The following CNTN5 variants were observed in gnomAD, a reference collection of about 807,000 sequenced individuals.
CNTN5 encodes contactin 5.
A neutral mutation model predicts 129.1 loss-of-function variants in CNTN5; 77 were observed. The ratio of observed to expected loss-of-function variants is 0.60; its 90% CI spans 0.50 to 0.72. The LOEUF (loss-of-function observed/expected upper bound fraction) is 0.72. Among genes scored for constraint, CNTN5 ranks in the 30% least tolerant of loss-of-function variants. CNTN5 has a pLI of 0.00. For missense variants in CNTN5, 1,478 were observed against 1,328.8 expected (o/e 1.11, Z -1.75); for synonymous variants, 509 against 465.6 (o/e 1.09, Z -1.20).
chr11:100,031,783 G>C (rs57675206), intron 9 of CNTN5, among the ~76,000 whole-genome samples: 1 of 152,146 alleles, frequency 6.6e-6, no homozygotes, highest in Non-Finnish European at 1.5e-5. Context: ...TCTACATACA[G>C]GTGTTATGTG....
chr11:100,311,804 G>A (rs1038177023), intron 21 of CNTN5, among the ~76,000 whole-genome samples: 3 of 152,000 alleles, frequency 2.0e-5, no homozygotes, highest in African/African-American at 7.2e-5. Context: ...AGATTTTATG[G>A]AATGCTGATA....
At position 99,123,131 on chromosome 11, in the gene CNTN5, A is replaced by G. The variant is rs7938246; in HGVS notation, c.-210+101861A>G. Among the ~76,000 whole-genome samples, 312 of 152,292 alleles carry G rather than the reference A, an allele frequency of 2.0e-3. 1 individual carries two copies. Among genetic ancestry groups the G allele is most frequent in the African/African-American group, 7.0e-3 (291 of 41,568 alleles). On this transcript the variant is annotated intron_variant, in intron 1 of 24. Transcript: ENST00000524871. ...TTGAGAAATTGCCACACTGCTTTCTACAATGGCTGAAATAACTTACTTTCC... is the reference window on the plus strand; with the variant it reads ...TTGAGAAATTGCCACACTGCTTTCTGCAATGGCTGAAATAACTTACTTTCC...
intron 13 of CNTN5, among the ~76,000 whole-genome samples, chr11:100,180,904 G>T (rs1370264238): frequency 6.6e-6 from 1 of 151,948 alleles, no homozygotes; most frequent in Non-Finnish European, 1.5e-5. Flanking sequence ...ATCACCCACT[G>T]CTAACTGGTG....
chr11:99,179,397 G>A (rs531779278), intron 1 of CNTN5, among the ~76,000 whole-genome samples: 5 of 152,124 alleles, frequency 3.3e-5, no homozygotes, highest in African/African-American at 7.2e-5. Flanking sequence ...AGCCAAGATC[G>A]TGCCACTGCA....
At chr11:99,164,136 G>A (rs534523631) in intron 1 of CNTN5, among the ~76,000 whole-genome samples, 90 of 152,108 alleles carry the variant, frequency 5.9e-4, no homozygotes, top group Middle Eastern at 6.8e-3. Context: ...GACCAGCCTG[G>A]CCAACATGGT....
At position 99,616,236 on chromosome 11, in the gene CNTN5, C is replaced by T. The variant is rs1052034311; in HGVS notation, c.55+59967C>T. On this transcript the variant is annotated intron_variant, in intron 3 of 24. Transcript: ENST00000524871. ...CTACTTCCCCTAACATTTGCCATTCCGATGTGGCAGTCACTAGAAATAAAA... is the reference window on the plus strand; with the variant it reads ...CTACTTCCCCTAACATTTGCCATTCTGATGTGGCAGTCACTAGAAATAAAA... Among the ~76,000 whole-genome samples, 5 of 152,026 alleles carry T rather than the reference C, an allele frequency of 3.3e-5. No homozygotes were observed. In the East Asian group the frequency reaches 5.8e-4, roughly 18 times the overall value.
At position 100,074,259 on chromosome 11, in the gene CNTN5, G is replaced by C; in HGVS notation, c.1545G>C (p.Trp515Cys). 6.2e-7 allele frequency: 1 copy of C among 1,609,386 alleles called. No individual in the cohort carries two copies. Among genetic ancestry groups the C allele is most frequent in the Non-Finnish European group, 8.5e-7 (1 of 1,177,466 alleles). The change falls in exon 13 of 25, where the codon TGG becomes TGC. Residue 515 changes from tryptophan to cysteine, a missense_variant. Trp to Cys is a radical substitution (Grantham distance 215). Transcript: ENST00000524871. ...GCTCTCCAAAACCAACCATCTCTTG[G>C]AAGAAAGGAGACAGAGCAGTTAGAG... The part of the protein sequence containing the change: ...PQGSPKPTIS[W>C]KKGDRAVREN...
intron 2 of CNTN5, among the ~76,000 whole-genome samples, chr11:99,513,781 C>T (rs1946936087): frequency 6.6e-6 from 1 of 151,992 alleles, no homozygotes; most frequent in Admixed American, 6.6e-5. Context: ...TGACAAAGCA[C>T]CTGGTCATGC....
chr11:99,900,099 TC>T (rs1949315081), intron 6 of CNTN5, among the ~76,000 whole-genome samples: 1 of 151,958 alleles, frequency 6.6e-6, no homozygotes, highest in Non-Finnish European at 1.5e-5. Flanking sequence ...GAGTCTTCTC[TC>T]TTTTTTTTTC....
intron 1 of CNTN5, among the ~76,000 whole-genome samples, chr11:99,247,812 T>C (rs1228711928): frequency 1.3e-5 from 2 of 152,186 alleles, no homozygotes; most frequent in African/African-American, 2.4e-5. Context: ...TATGGCTGCA[T>C]GGTATTCCAT....
intron 2 of CNTN5, among the ~76,000 whole-genome samples, chr11:99,553,871 AG>A (rs1948576079): frequency 6.6e-6 from 1 of 151,916 alleles, no homozygotes; most frequent in Non-Finnish European, 1.5e-5. Flanking sequence ...TATCTTAAAA[AG>A]AATGACTTTT....
chr11:99,818,458 T>C (rs1219688196), intron 3 of CNTN5, among the ~76,000 whole-genome samples: 17 of 152,018 alleles, frequency 1.1e-4, no homozygotes, highest in Non-Finnish European at 2.9e-5. Context: ...GGTCTCACTT[T>C]ATTGCTTTTG....
At chr11:99,657,073 A>G (rs1204358996) in intron 3 of CNTN5, among the ~76,000 whole-genome samples, 6 of 149,134 alleles carry the variant, frequency 4.0e-5, no homozygotes, top group Non-Finnish European at 9.1e-5. Flanking sequence ...ATAAGAAAAA[A>G]AAAAAAGAGA....
intron 3 of CNTN5, among the ~76,000 whole-genome samples, chr11:99,715,479 T>A (rs1257645411): frequency 2.6e-5 from 4 of 151,084 alleles, no homozygotes; most frequent in Admixed American, 1.3e-4. Context: ...TCCTTCAACA[T>A]TCGAGCAGGC....
intron 3 of CNTN5, among the ~76,000 whole-genome samples, chr11:99,737,282 C>T (rs1943743382): frequency 1.3e-5 from 2 of 152,028 alleles, no homozygotes; most frequent in Admixed American, 6.6e-5. Flanking sequence ...TCATATTCTT[C>T]GTATTTATTG....
At chr11:99,349,698 A>C (rs1310727615) in intron 2 of CNTN5, among the ~76,000 whole-genome samples, 1 of 152,200 alleles carries the variant, frequency 6.6e-6, no homozygotes, top group Non-Finnish European at 1.5e-5. Context: ...TTTTAAAGGG[A>C]GTTAAATAAA....
At chr11:100,147,070 T>G (rs1034447229) in intron 13 of CNTN5, among the ~76,000 whole-genome samples, 2 of 152,092 alleles carry the variant, frequency 1.3e-5, no homozygotes, top group African/African-American at 4.8e-5. Flanking sequence ...TGCCTCTTTC[T>G]CTACAGGATA....
chr11:99,108,113 G>A (rs1474765411), intron 1 of CNTN5, among the ~76,000 whole-genome samples: 3 of 152,026 alleles, frequency 2.0e-5, no homozygotes, highest in African/African-American at 7.2e-5. Flanking sequence ...AGTTGTGATG[G>A]TTGATTGTAG....
intron 8 of CNTN5, 68 bp from the exon 9 acceptor site, chr11:100,001,966 C>A: frequency 1.8e-6 from 2 of 1,097,660 alleles, no homozygotes; most frequent in Non-Finnish European, 2.6e-6. Flanking sequence ...TTCAATGTAA[C>A]ATCTCCAGGA....
Sources: allele counts gnomAD v4.1 joint callset (sites outside exome capture counted in the v4.1 genomes callset), GRCh38; gene constraint gnomAD v4.1.1; transcripts MANE v1.5; gene names NCBI Gene and HGNC (gene_info 2026-07-23, HGNC 2026-07-21).